MGST1: variants seen among roughly 807,000 people sequenced by gnomAD.
MGST1 encodes microsomal glutathione S-transferase 1.
Under a neutral mutation model 8.9 loss-of-function variants are expected in MGST1, and 5 were observed. The observed-to-expected ratio is 0.56, with a 90% confidence interval of 0.29 to 1.19. MGST1 has a LOEUF of 1.19. MGST1 is among the 50% of genes most tolerant of loss of function. The pLI is 0.08. For synonymous variants in MGST1, 54 were observed against 67.8 expected, an observed-to-expected ratio of 0.80 and a Z score of 1.00; for missense variants, 182 against 187.4, an observed-to-expected ratio of 0.97 and a Z score of 0.17.
chr12:16,462,050 A>T (rs914261537), intron 4 of MGST1, among the ~76,000 whole-genome samples: 3 of 152,134 alleles, frequency 2.0e-5, no homozygotes, highest in Non-Finnish European at 4.4e-5. Flanking sequence ...GAGGATATGG[A>T]TCTGAACAGC....
At chr12:16,564,295 G>A (rs1942512800) in intron 4 of MGST1, among the ~76,000 whole-genome samples, 1 of 152,184 alleles carries the variant, frequency 6.6e-6, no homozygotes, top group Non-Finnish European at 1.5e-5. Flanking sequence ...TTTTGTGTAT[G>A]GGTGGCATTG....
At chr12:16,550,982 G>C (rs1395177677) in intron 4 of MGST1, 5 of 411,162 alleles carry the variant, frequency 1.2e-5, no homozygotes, top group Non-Finnish European at 2.2e-5. Flanking sequence ...AAAACGAATA[G>C]CAAGCAAAAA....
intron 1 of MGST1, among the ~76,000 whole-genome samples, chr12:16,349,743 C>CTT (rs760899357): frequency 0.014 from 1,829 of 127,356 alleles, 61 homozygotes; most frequent in African/African-American, 0.05. Flanking sequence ...CCCAGAGCTT[C>CTT]TTTTTTTTTT....
At chr12:16,435,268 TATATTG>T (rs1940974620) in intron 1 of MGST1, among the ~76,000 whole-genome samples, 1 of 151,944 alleles carries the variant, frequency 6.6e-6, no homozygotes, top group Non-Finnish European at 1.5e-5. Flanking sequence ...CAAATGAATA[TATATTG>T]ATATAGCCCA....
Position 16,355,582 on chromosome 12 carries a change from G to A in MGST1, c.126+1204G>A, listed in dbSNP as rs1431023110. 2.0e-5 allele frequency among the ~76,000 whole-genome samples: 3 copies of A among 152,128 alleles called. No individual in the cohort carries two copies. The East Asian group carries it at 5.8e-4, about 29-fold the overall frequency. ...CATGCACTGATGTGTTGCAGCATCAGGGCAACAAAGTGGCTGTCTGCTTCC... is the reference window on the plus strand; with the variant it reads ...CATGCACTGATGTGTTGCAGCATCAAGGCAACAAAGTGGCTGTCTGCTTCC... On this transcript the variant is annotated intron_variant, in intron 2 of 3. Transcript: ENST00000396210.
intron 4 of MGST1, among the ~76,000 whole-genome samples, chr12:16,564,485 T>C (rs1460644264): frequency 6.6e-6 from 1 of 152,214 alleles, no homozygotes; most frequent in Non-Finnish European, 1.5e-5. Flanking sequence ...TCAAGACATA[T>C]ACTCATTTAA....
chr12:16,426,969 C>CAAA (rs572147225), intron 1 of MGST1, among the ~76,000 whole-genome samples: 19 of 84,264 alleles, frequency 2.3e-4, no homozygotes, highest in Non-Finnish European at 3.1e-4. Context: ...GACTCTGTCT[C>CAAA]AAAAAAAAAA....
Position 16,584,441 on chromosome 12 carries a change from A to T in MGST1, n.483-5087A>T, listed in dbSNP as rs1699887683. Among the ~76,000 whole-genome samples the T allele has an allele frequency of 6.6e-6, 1 of 152,248 alleles. No homozygotes were observed. Among genetic ancestry groups the T allele is most frequent in the Admixed American group, 6.5e-5 (1 of 15,276 alleles). ...CATCTGGCCAAAAGATTGTGGACAC[A>T]GCAAAAGTTATTGACAAGGACATGA... On this transcript the variant is annotated intron_variant and non_coding_transcript_variant, in intron 4 of 4. Transcript: ENST00000538857. This position sits in a 1 kb window ranked among gnomAD's most constrained non-coding sequence, Gnocchi z 5.2.
intron 4 of MGST1, among the ~76,000 whole-genome samples, chr12:16,557,183 G>A (rs537448422): frequency 6.6e-6 from 1 of 152,142 alleles, no homozygotes; most frequent in Non-Finnish European, 1.5e-5. Flanking sequence ...GCACTTGAAT[G>A]TTTTTATTTT....
rs1941824203 is a variant in MGST1 at position 16,546,424 on chromosome 12, G to A, written n.483-43104G>A. 6.6e-6 allele frequency among the ~76,000 whole-genome samples: 1 copy of A among 152,050 alleles called. No individual in the cohort carries two copies. Reference sequence around the variant, plus strand: ...CTTCTGAGTCCAGAATACCAATTGTGTAAAAAGTGCAGAGAATTCCAATTC... The same window carrying A: ...CTTCTGAGTCCAGAATACCAATTGTATAAAAAGTGCAGAGAATTCCAATTC... On this transcript the variant is annotated intron_variant and non_coding_transcript_variant, in intron 4 of 4. Coordinates refer to the MGST1 transcript ENST00000538857. The surrounding 1 kb of genome is among the most constrained non-coding windows in gnomAD (Gnocchi z 4.7).
At chr12:16,474,262 G>A (rs1044014518) in intron 4 of MGST1, among the ~76,000 whole-genome samples, 5 of 152,114 alleles carry the variant, frequency 3.3e-5, no homozygotes, top group East Asian at 3.9e-4. Flanking sequence ...AAAATGTCAC[G>A]AAATTGACAG....
intron 4 of MGST1, among the ~76,000 whole-genome samples, chr12:16,509,831 C>T (rs1941564701): frequency 6.6e-6 from 1 of 152,066 alleles, no homozygotes; most frequent in Non-Finnish European, 1.5e-5. Context: ...AATTTGGATA[C>T]GTTTAGGTAG....
chr12:16,395,802 T>C (rs2417572), intron 1 of MGST1, among the ~76,000 whole-genome samples: 53,085 of 134,894 alleles, frequency 0.39, 11,072 homozygotes, highest in East Asian at 0.57. Flanking sequence ...TATATATATA[T>C]ATACACACAC....
intron 1 of MGST1, among the ~76,000 whole-genome samples, chr12:16,394,518 CTTTCTTTCTTTCTTTCTTTCTT>C (rs1565446390): frequency 0.019 from 1,460 of 77,716 alleles, 110 homozygotes; most frequent in Admixed American, 0.11. Context: ...CTCTCCCTTT[CTTTCTTTCTTTCTTTCTTTCTT>C]TCTTTCTTTC....
chr12:16,492,544 A>C (rs1049838730), intron 4 of MGST1, among the ~76,000 whole-genome samples: 5 of 152,176 alleles, frequency 3.3e-5, no homozygotes, highest in African/African-American at 1.2e-4. Flanking sequence ...CCTTATGCTT[A>C]GGAGAGAAAT....
At chr12:16,447,185 A>G (rs141311282) in intron 4 of MGST1, among the ~76,000 whole-genome samples, 20 of 151,996 alleles carry the variant, frequency 1.3e-4, no homozygotes, top group African/African-American at 4.6e-4. Flanking sequence ...TCCTGAGAGG[A>G]TGGCTCTAAA....
chr12:16,521,396 C>T (rs1022802216), intron 4 of MGST1, among the ~76,000 whole-genome samples: 2 of 152,104 alleles, frequency 1.3e-5, no homozygotes, highest in Non-Finnish European at 1.5e-5. Context: ...TAGGCATTTA[C>T]ATTTTCCACT....
intron 4 of MGST1, among the ~76,000 whole-genome samples, chr12:16,466,273 A>G (rs2137129945): frequency 6.6e-6 from 1 of 152,336 alleles, no homozygotes. Context: ...AAGAGAAGGA[A>G]TGAATTTGTG....
chr12:16,494,425 T>C (rs1470627584), intron 4 of MGST1, among the ~76,000 whole-genome samples: 1 of 152,184 alleles, frequency 6.6e-6, no homozygotes, highest in Non-Finnish European at 1.5e-5. Context: ...TTGTACACTT[T>C]GTGTATTTCA....
Sources: gnomAD v4.1 joint callset for allele counts (sites outside exome capture counted in the v4.1 genomes callset) on GRCh38, gnomAD v4.1.1 for gene constraint, Gnocchi (gnomAD v3.1) non-coding constraint, MANE v1.5 for transcripts, NCBI Gene and HGNC (gene_info 2026-07-23, HGNC 2026-07-21) for gene names.